Variants in MEGF9 observed in about 807,000 individuals in gnomAD.
MEGF9 encodes the protein multiple epidermal growth factor-like domains protein 9.
In MEGF9, 6 loss-of-function variants were observed where a neutral mutation model predicts 46.8. The ratio of observed to expected loss-of-function variants is 0.13; its 90% CI spans 0.07 to 0.25. The LOEUF (loss-of-function observed/expected upper bound fraction) is 0.25, where lower values mean the gene tolerates loss of function less well. Ranked by LOEUF, MEGF9 falls within the 10% of genes least tolerant of loss-of-function variation. MEGF9 has a pLI of 1.00. For synonymous variants in MEGF9, 302 were observed against 330.7 expected, an observed-to-expected ratio of 0.91 and a Z score of 0.94; for missense variants, 683 against 792.4, an observed-to-expected ratio of 0.86 and a Z score of 1.66.
intron 2 of MEGF9, among the ~76,000 whole-genome samples, chr9:120,636,878 G>A (rs575179085): frequency 1.8e-3 from 271 of 151,470 alleles, no homozygotes; most frequent in African/African-American, 6.1e-3. Context: ...CTGCCCGGCC[G>A]CCACGTCTGG....
intron 1 of MEGF9, among the ~76,000 whole-genome samples, chr9:120,680,624 C>G (rs1044214960): frequency 1.3e-5 from 2 of 152,046 alleles, no homozygotes; most frequent in Admixed American, 6.5e-5. Flanking sequence ...CCCTTCAGGG[C>G]GGCAAGCTCC....
chr9:120,648,906 G>A (rs2043637105), intron 2 of MEGF9, among the ~76,000 whole-genome samples: 1 of 152,098 alleles, frequency 6.6e-6, no homozygotes, highest in African/African-American at 2.4e-5. Flanking sequence ...CTTTTAACCT[G>A]AGGCACATTC....
rs2043401467 is a variant in MEGF9 at position 120,602,530 on chromosome 9, C to T, written c.*2660G>A. The T allele has an allele frequency of 6.6e-6, 1 of 152,262 alleles. No individual in the cohort carries two copies. Among genetic ancestry groups the T allele is most frequent in the African/African-American group, 2.4e-5 (1 of 41,376 alleles). The allele number at this position is 152,262 out of a possible 1,614,324, so 9.4% of individuals were successfully genotyped here. ...ATCTTATTTAAAACAAATTTTAAGACTTTTTTTCCCATTGAGAAAAATTAT... is the reference window on the plus strand; with the variant it reads ...ATCTTATTTAAAACAAATTTTAAGATTTTTTTTCCCATTGAGAAAAATTAT... On this transcript the variant is annotated 3_prime_UTR_variant, in exon 6 of 6. Transcript: ENST00000373930.
At chr9:120,606,242 T>C (rs981278681) in intron 5 of MEGF9, among the ~76,000 whole-genome samples, 27 of 151,742 alleles carry the variant, frequency 1.8e-4, no homozygotes, top group African/African-American at 6.3e-4. Context: ...TACTCTTAGA[T>C]AAAATCATAT....
chr9:120,653,618 C>T (rs2043663489), intron 2 of MEGF9, among the ~76,000 whole-genome samples: 1 of 152,146 alleles, frequency 6.6e-6, no homozygotes, highest in Non-Finnish European at 1.5e-5. Context: ...GTGATCCACC[C>T]ACCTCAGCTT....
At chr9:120,614,237 G>A (rs755260554) in intron 3 of MEGF9, among the ~76,000 whole-genome samples, 11 of 152,196 alleles carry the variant, frequency 7.2e-5, no homozygotes, top group African/African-American at 2.4e-4. Context: ...TGGCCAGGCC[G>A]GTCTCGAACT....
intron 1 of MEGF9, among the ~76,000 whole-genome samples, chr9:120,676,865 G>A (rs1222227027): frequency 2.0e-5 from 3 of 152,154 alleles, no homozygotes; most frequent in African/African-American, 7.2e-5. Context: ...TGCAACTGTA[G>A]AGACTGCAAG....
At chr9:120,644,365 T>G (rs188927409) in intron 2 of MEGF9, among the ~76,000 whole-genome samples, 1 of 152,326 alleles carries the variant, frequency 6.6e-6, no homozygotes, top group African/African-American at 2.4e-5. Context: ...TAATGTATCT[T>G]TCTCATCTCA....
intron 3 of MEGF9, among the ~76,000 whole-genome samples, chr9:120,615,689 G>GT (rs2043469218): frequency 6.6e-6 from 1 of 151,728 alleles, no homozygotes; most frequent in Admixed American, 6.6e-5. Context: ...GAGCCCCAGA[G>GT]TTTGAGACCA....
At chr9:120,690,039 GTCTGCCCACTCAGA>G (rs756601906) in intron 1 of MEGF9, 1 of 501,938 alleles carries the variant, frequency 2.0e-6, no homozygotes, top group African/African-American at 1.9e-5. Flanking sequence ...TGGCAAATGG[GTCTGCCCACTCAGA>G]TATTTTCCAA....
At chr9:120,635,450 T>C (rs1052125139) in intron 2 of MEGF9, among the ~76,000 whole-genome samples, 8 of 152,228 alleles carry the variant, frequency 5.3e-5, no homozygotes, top group Non-Finnish European at 1.2e-4. Flanking sequence ...ATACAAATAC[T>C]TGTTCACTTA....
intron 1 of MEGF9, among the ~76,000 whole-genome samples, chr9:120,699,972 G>T (rs1013259266): frequency 6.6e-6 from 1 of 152,080 alleles, no homozygotes; most frequent in Admixed American, 6.6e-5. Context: ...GTGTAAAGAA[G>T]CCATATATAA....
chr9:120,697,131 G>A (rs1027778297), intron 1 of MEGF9, among the ~76,000 whole-genome samples: 4 of 152,188 alleles, frequency 2.6e-5, no homozygotes, highest in African/African-American at 7.2e-5. Flanking sequence ...CGCCCAGGCT[G>A]GAGTACAGTG....
intron 1 of MEGF9, among the ~76,000 whole-genome samples, chr9:120,667,157 C>T (rs1317911944): frequency 6.6e-6 from 1 of 152,040 alleles, no homozygotes; most frequent in East Asian, 1.9e-4. Context: ...CTTGGTGTCC[C>T]ACAAGCAACT....
chr9:120,646,713 T>C (rs549776044), intron 2 of MEGF9, among the ~76,000 whole-genome samples: 1 of 152,298 alleles, frequency 6.6e-6, no homozygotes, highest in Admixed American at 6.5e-5. Context: ...ATAGTGTCCT[T>C]ATTAGACTAG....
chr9:120,691,353 T>TA, intron 1 of MEGF9: 1 of 404,892 alleles, frequency 2.5e-6, no homozygotes, highest in South Asian at 1.9e-5. Context: ...CCTACTCTGT[T>TA]AATTTTGGTA....
At chr9:120,672,433 A>AAAATAAATAAATAAATAAAT (rs145401927) in intron 1 of MEGF9, among the ~76,000 whole-genome samples, 52 of 144,870 alleles carry the variant, frequency 3.6e-4, no homozygotes, top group African/African-American at 1.3e-3. Flanking sequence ...TCTCTACAGA[A>AAAATAAATAAATAAATAAAT]AAATAAATAA....
chr9:120,680,614 C>A (rs975704137), intron 1 of MEGF9, among the ~76,000 whole-genome samples: 16 of 152,152 alleles, frequency 1.1e-4, no homozygotes, highest in Non-Finnish European at 2.1e-4. Flanking sequence ...CAAGGCCCTT[C>A]CCTTCAGGGC....
rs527335515 is a variant in MEGF9 at position 120,678,693 on chromosome 9, C to T, written c.602-19118G>A. ...TTTGCCATGTTGGCCATGCTGGTCT[C>T]GAACTCCTGGCCTGAAGTGATCCAC... On this transcript the variant is annotated intron_variant, in intron 1 of 5. Coordinates refer to ENST00000373930, the MANE Select transcript of MEGF9 (RefSeq NM_001080497.3). 2.3e-3 allele frequency among the ~76,000 whole-genome samples: 357 copies of T among 152,294 alleles called. 2 individuals carry two copies. Among genetic ancestry groups the T allele is most frequent in the African/African-American group, 8.3e-3 (346 of 41,574 alleles).
Sources: gnomAD v4.1 joint callset for allele counts (sites outside exome capture counted in the v4.1 genomes callset) on GRCh38, gnomAD v4.1.1 for gene constraint, MANE v1.5 for transcripts, NCBI Gene and HGNC (gene_info 2026-07-23, HGNC 2026-07-21) for gene names.